The following RYR2 variants were observed in gnomAD, a reference collection of about 807,000 sequenced individuals.
RYR2 encodes cardiac muscle ryanodine receptor-calcium release channel.
A neutral mutation model predicts 601.1 loss-of-function variants in RYR2; 227 were observed. That is an observed-to-expected ratio of 0.38 (90% CI 0.34 to 0.42). The LOEUF is 0.42. Ranked by LOEUF, RYR2 falls within the 10% of genes least tolerant of loss-of-function variation. RYR2 has a pLI of 1.00. For missense variants in RYR2, 4,646 were observed against 6,156.5 expected, an observed-to-expected ratio of 0.75 and a Z score of 8.21; for synonymous variants, 2,223 against 2,175.1, an observed-to-expected ratio of 1.02 and a Z score of -0.61.
At chr1:237,339,398 CTTAAAT>C (rs1337905280) in intron 3 of RYR2, among the ~76,000 whole-genome samples, 1 of 151,966 alleles carries the variant, frequency 6.6e-6, no homozygotes, top group Non-Finnish European at 1.5e-5. Context: ...TGCAAATATA[CTTAAAT>C]TTAAATTCTA....
chr1:237,148,521 AAAAAAAATAT>A (rs1198726847), intron 1 of RYR2, among the ~76,000 whole-genome samples: 14 of 44,004 alleles, frequency 3.2e-4, no homozygotes, highest in Admixed American at 3.0e-3. Flanking sequence ...CAAGTAAAAA[AAAAAAAATAT>A]ATATATATAT....
chr1:237,276,752 A>G (rs193172618), intron 2 of RYR2, among the ~76,000 whole-genome samples: 1 of 152,354 alleles, frequency 6.6e-6, no homozygotes, highest in Non-Finnish European at 1.5e-5. Context: ...TAATTTCAAG[A>G]AAATAAAAAT....
intron 29 of RYR2, among the ~76,000 whole-genome samples, chr1:237,588,511 T>A (rs1306084413): frequency 6.6e-6 from 1 of 152,128 alleles, no homozygotes; most frequent in Admixed American, 6.6e-5. Flanking sequence ...GTGTGCTGCC[T>A]ACTTGAACAT....
intron 4 of RYR2, among the ~76,000 whole-genome samples, chr1:237,360,761 A>G (rs7545575): frequency 0.37 from 56,208 of 152,074 alleles, 10,826 homozygotes; most frequent in African/African-American, 0.44. Context: ...TCATTCATGG[A>G]CTGGTGGACA....
chr1:237,715,243 G>A (rs749204459), intron 71 of RYR2, among the ~76,000 whole-genome samples: 2 of 152,144 alleles, frequency 1.3e-5, no homozygotes, highest in African/African-American at 4.8e-5. Context: ...ACAGAGAAAC[G>A]ACAAAACAGG....
intron 1 of RYR2, among the ~76,000 whole-genome samples, chr1:237,116,375 C>A (rs1670080347): frequency 1.3e-5 from 2 of 152,148 alleles, no homozygotes; most frequent in Non-Finnish European, 2.9e-5. Flanking sequence ...GGCTAAGACA[C>A]CTTGCCTGCC....
chr1:237,582,941 C>CAA (rs1674097249), intron 29 of RYR2, among the ~76,000 whole-genome samples: 1 of 71,458 alleles, frequency 1.4e-5, no homozygotes, highest in Non-Finnish European at 4.2e-5. Flanking sequence ...TATATATATA[C>CAA]CCAGTAATGG....
intron 1 of RYR2, among the ~76,000 whole-genome samples, chr1:237,216,672 G>A (rs1237767506): frequency 6.6e-6 from 1 of 151,700 alleles, no homozygotes; most frequent in Non-Finnish European, 1.5e-5. Flanking sequence ...AGGAGGTGGA[G>A]GTTGCAGTGA....
At chr1:237,669,498 G>A (rs1195737536) in intron 58 of RYR2, among the ~76,000 whole-genome samples, 3 of 136,810 alleles carry the variant, frequency 2.2e-5, no homozygotes, top group East Asian at 4.3e-4. Context: ...GGCTGGCCGG[G>A]CGGGGGGCTG....
intron 14 of RYR2, among the ~76,000 whole-genome samples, chr1:237,450,543 GT>G (rs11348125): frequency 0.45 from 68,638 of 151,686 alleles, 16,469 homozygotes; most frequent in East Asian, 0.57. Context: ...ATTATACTTT[GT>G]TTTTTTGGGT....
In RYR2 at chr1:237,744,408, C is replaced by T. The variant is rs189184740; in HGVS notation, c.11145+2059C>T. The stretch of plus-strand genomic sequence containing the variant: ...CAGAGGCTTACGCTTGTAATCCCAG[C>T]ACTTTGGGAGGCTGAGGCGGGTGGA... On this transcript the variant is annotated intron_variant, in intron 80 of 104. Transcript: ENST00000366574. 2.9e-4 allele frequency among the ~76,000 whole-genome samples: 43 copies of T among 150,674 alleles called. No individual in the cohort carries two copies. In the East Asian group the frequency reaches 6.5e-3, roughly 23 times the overall value.
chr1:237,302,022 T>A (rs1370211167), intron 2 of RYR2, among the ~76,000 whole-genome samples: 1 of 152,198 alleles, frequency 6.6e-6, no homozygotes, highest in Non-Finnish European at 1.5e-5. Flanking sequence ...CTGTTCTCTT[T>A]GAACAACGAA....
chr1:237,532,269 A>G (rs1361831578), intron 25 of RYR2, among the ~76,000 whole-genome samples: 1 of 152,186 alleles, frequency 6.6e-6, no homozygotes, highest in African/African-American at 2.4e-5. Flanking sequence ...GTATTCACGT[A>G]CAAATAATAT....
At chr1:237,804,837 A>C (rs371339275) in intron 98 of RYR2, among the ~76,000 whole-genome samples, 1 of 152,334 alleles carries the variant, frequency 6.6e-6, no homozygotes, top group East Asian at 1.9e-4. Context: ...TGAATAAATG[A>C]AAAGCAAAGA....
chr1:237,585,434 C>A (rs902540058), intron 29 of RYR2, among the ~76,000 whole-genome samples: 1 of 152,108 alleles, frequency 6.6e-6, no homozygotes, highest in African/African-American at 2.4e-5. Context: ...CATTTATTGG[C>A]GACCTCTTCA....
intron 1 of RYR2, among the ~76,000 whole-genome samples, chr1:237,204,026 T>C (rs1681501066): frequency 2.0e-5 from 3 of 152,210 alleles, no homozygotes; most frequent in Admixed American, 2.0e-4. Flanking sequence ...TTGTTTTGTT[T>C]TTGAGATGGA....
At chr1:237,730,732 C>CA (rs1379098623) in intron 77 of RYR2, among the ~76,000 whole-genome samples, 1 of 151,972 alleles carries the variant, frequency 6.6e-6, no homozygotes, top group Non-Finnish European at 1.5e-5. Context: ...AGAAGGTGAA[C>CA]AAAAAATTGC....
At chr1:237,530,076 C>T (rs1667980147) in intron 24 of RYR2, among the ~76,000 whole-genome samples, 1 of 152,064 alleles carries the variant, frequency 6.6e-6, no homozygotes. Context: ...CTTTGGGAGG[C>T]CGAGATGGGT....
At chr1:237,832,511 A>G in intron 104 of RYR2, 41 bp from the exon 105 acceptor site, 5 of 1,350,012 alleles carry the variant, frequency 3.7e-6, no homozygotes, top group Non-Finnish European at 5.3e-6. Context: ...GTTAGCACAC[A>G]CTTTGGGGAA....
Sources: allele counts gnomAD v4.1 joint callset (sites outside exome capture counted in the v4.1 genomes callset), GRCh38; gene constraint gnomAD v4.1.1; transcripts MANE v1.5; gene names NCBI Gene and HGNC (gene_info 2026-07-23, HGNC 2026-07-21).